Variants in SLCO6A1 observed in about 807,000 individuals in gnomAD.
SLCO6A1 encodes the protein cancer/testis antigen 48.
A neutral mutation model predicts 72.7 loss-of-function variants in SLCO6A1; 65 were observed. The observed-to-expected ratio is 0.89, with a 90% confidence interval of 0.73 to 1.10. The LOEUF is 1.10. Among genes scored for constraint, SLCO6A1 ranks in the 50% least tolerant of loss-of-function variants. The pLI, the probability that SLCO6A1 is intolerant of heterozygous loss-of-function variation, is 0.00. For synonymous variants in SLCO6A1, 314 were observed against 298.2 expected, an observed-to-expected ratio of 1.05 and a Z score of -0.55; for missense variants, 874 against 872.6, an observed-to-expected ratio of 1.00 and a Z score of -0.02.
At chr5:102,456,471 C>G (rs1229306679) in intron 6 of SLCO6A1, among the ~76,000 whole-genome samples, 1 of 151,206 alleles carries the variant, frequency 6.6e-6, no homozygotes, top group Non-Finnish European at 1.5e-5. Context: ...AACAGACAAA[C>G]AGCCAAACCA....
chr5:102,400,063 G>A (rs1195427072), intron 9 of SLCO6A1, among the ~76,000 whole-genome samples: 1 of 151,818 alleles, frequency 6.6e-6, no homozygotes, highest in South Asian at 2.1e-4. Flanking sequence ...TATATAAATT[G>A]AGGGAAATTA....
At chr5:102,388,063 A>G (rs1354960774) in intron 12 of SLCO6A1, among the ~76,000 whole-genome samples, 1 of 151,582 alleles carries the variant, frequency 6.6e-6, no homozygotes, top group Non-Finnish European at 1.5e-5. Flanking sequence ...GTGTAGATTT[A>G]ACTGAAATAA....
chr5:102,431,505 G>C (rs1240345923), intron 7 of SLCO6A1, among the ~76,000 whole-genome samples: 6 of 152,062 alleles, frequency 3.9e-5, no homozygotes, highest in Non-Finnish European at 8.8e-5. Flanking sequence ...AAGTCATTCA[G>C]GGTGGGTCAT....
intron 12 of SLCO6A1, among the ~76,000 whole-genome samples, chr5:102,375,277 T>C (rs1314739405): frequency 6.6e-6 from 1 of 152,128 alleles, no homozygotes; most frequent in Non-Finnish European, 1.5e-5. Flanking sequence ...TCTAAAGCAC[T>C]ACTATAAGAC....
chr5:102,426,087 C>T (rs142582800), intron 7 of SLCO6A1, among the ~76,000 whole-genome samples: 1,790 of 152,166 alleles, frequency 0.012, 33 homozygotes, highest in African/African-American at 0.04. Flanking sequence ...TGAAACTGGA[C>T]CCCTTCCTTA....
intron 12 of SLCO6A1, among the ~76,000 whole-genome samples, chr5:102,378,278 C>T (rs1283706671): frequency 6.6e-6 from 1 of 152,022 alleles, no homozygotes; most frequent in African/African-American, 2.4e-5. Flanking sequence ...ATGGATGAAG[C>T]TGGAAACCAT....
At chr5:102,376,375 C>T (rs1339147519) in intron 12 of SLCO6A1, among the ~76,000 whole-genome samples, 1 of 151,958 alleles carries the variant, frequency 6.6e-6, no homozygotes, top group Non-Finnish European at 1.5e-5. Flanking sequence ...TACACGTACA[C>T]ATACACATAC....
chr5:102,396,145 G>C (rs1363369776), intron 10 of SLCO6A1, among the ~76,000 whole-genome samples: 1 of 152,054 alleles, frequency 6.6e-6, no homozygotes, highest in Non-Finnish European at 1.5e-5. Flanking sequence ...GTATTGCCTA[G>C]GTTTTCTTCT....
intron 9 of SLCO6A1, among the ~76,000 whole-genome samples, chr5:102,404,005 T>C (rs1747536100): frequency 6.6e-6 from 1 of 152,208 alleles, no homozygotes; most frequent in Non-Finnish European, 1.5e-5. Context: ...ATATTATTCT[T>C]TCAAGTACAT....
At chr5:102,497,443 G>A (rs1184845607) in intron 1 of SLCO6A1, among the ~76,000 whole-genome samples, 2 of 152,110 alleles carry the variant, frequency 1.3e-5, no homozygotes, top group Non-Finnish European at 2.9e-5. Flanking sequence ...ACCAAACAAC[G>A]ATAAATGACT....
chr5:102,425,445 C>T (rs1748841333), intron 7 of SLCO6A1, among the ~76,000 whole-genome samples: 2 of 152,092 alleles, frequency 1.3e-5, no homozygotes, highest in South Asian at 4.2e-4. Flanking sequence ...AATCAATGTG[C>T]AAAAATCACA....
At chr5:102,415,009 C>G (rs1313605553) in intron 8 of SLCO6A1, among the ~76,000 whole-genome samples, 1 of 151,764 alleles carries the variant, frequency 6.6e-6, no homozygotes, top group South Asian at 2.1e-4. Context: ...ATTAAACTAA[C>G]AAGGTGAAAG....
At chr5:102,388,916 A>G (rs533481677) in intron 11 of SLCO6A1, 91 bp from the exon 12 acceptor site, 3 of 1,127,868 alleles carry the variant, frequency 2.7e-6, no homozygotes, top group Admixed American at 3.3e-5. Context: ...ATGAATGACG[A>G]CTCATCATTC....
At chr5:102,486,507 C>G (rs1391920986) in intron 1 of SLCO6A1, among the ~76,000 whole-genome samples, 1 of 151,788 alleles carries the variant, frequency 6.6e-6, no homozygotes, top group Non-Finnish European at 1.5e-5. Flanking sequence ...AGTTCAAAAT[C>G]ATAAATCAAC....
chr5:102,475,875 A>C, intron 3 of SLCO6A1, 82 bp from the exon 4 acceptor site: 1 of 1,049,266 alleles, frequency 9.5e-7, no homozygotes, highest in East Asian at 2.5e-5. Flanking sequence ...GAAATTGATT[A>C]CTTCTGAAAG....
intron 6 of SLCO6A1, among the ~76,000 whole-genome samples, chr5:102,452,584 C>A (rs1411687235): frequency 6.6e-6 from 1 of 152,026 alleles, no homozygotes; most frequent in Non-Finnish European, 1.5e-5. Flanking sequence ...TCTATCTTGT[C>A]TACTTTAAAA....
rs201082817 is a variant in SLCO6A1, at chr5:102,438,773, A to G, written c.1132-12T>C. 7 of 1,509,390 alleles carry G rather than the reference A, an allele frequency of 4.6e-6. No homozygotes were observed. Among genetic ancestry groups the G allele is most frequent in the Non-Finnish European group, 6.2e-6 (7 of 1,129,940 alleles). The allele number at this position is 1,509,390 out of a possible 1,614,324, so 93.5% of individuals were successfully genotyped here. On this transcript the variant is annotated splice_polypyrimidine_tract_variant and intron_variant, in intron 6 of 13. Coordinates refer to ENST00000506729, the MANE Select transcript of SLCO6A1 (RefSeq NM_173488.5). ...TTCTTCATCAGAATCTGAAATAAAA[A>G]TAAGTTATATATCTATTATTTTATT...
intron 6 of SLCO6A1, among the ~76,000 whole-genome samples, chr5:102,451,351 A>G (rs1333626630): frequency 6.6e-6 from 1 of 152,150 alleles, no homozygotes; most frequent in Non-Finnish European, 1.5e-5. Context: ...GGCAAGGTGT[A>G]GTGGAGGCTA....
At position 102,487,972 on chromosome 5, in the gene SLCO6A1, G is replaced by A. The variant is rs535088464; in HGVS notation, c.359-7538C>T. Among the ~76,000 whole-genome samples, 12 of 152,286 alleles carry A rather than the reference G, an allele frequency of 7.9e-5. No individual in the cohort carries two copies. The South Asian group carries it at 2.5e-3, about 32-fold the overall frequency. ...GTTAGGACCAACTAAATCCATCCCA[G>A]CTTGTTTAAATAAACTATTAATAAT... On this transcript the variant is annotated intron_variant, in intron 1 of 13. Coordinates refer to ENST00000506729, the MANE Select transcript of SLCO6A1 (RefSeq NM_173488.5).
Sources: gnomAD v4.1 joint callset for allele counts (sites outside exome capture counted in the v4.1 genomes callset) on GRCh38, gnomAD v4.1.1 for gene constraint, MANE v1.5 for transcripts, NCBI Gene and HGNC (gene_info 2026-07-23, HGNC 2026-07-21) for gene names.